Variants in PLCB1 observed in about 807,000 individuals in gnomAD.
PLCB1 encodes the protein phospholipase C beta 1.
Under a neutral mutation model 161.8 loss-of-function variants are expected in PLCB1, and 46 were observed. The ratio of observed to expected loss-of-function variants is 0.28; its 90% CI spans 0.22 to 0.36. The LOEUF is 0.36. PLCB1 is among the 10% of genes least tolerant of loss of function. The pLI is 1.00. For synonymous variants in PLCB1, 517 were observed against 503.7 expected, an observed-to-expected ratio of 1.03 and a Z score of -0.35; for missense variants, 1,016 against 1,472.5, an observed-to-expected ratio of 0.69 and a Z score of 5.07.
intron 3 of PLCB1, among the ~76,000 whole-genome samples, chr20:8,414,004 T>G (rs1224224406): frequency 1.3e-5 from 2 of 152,184 alleles, no homozygotes; most frequent in South Asian, 2.1e-4. Context: ...CCTGAAACTC[T>G]AACAGATTAA....
At chr20:8,322,111 G>A (rs1004521243) in intron 2 of PLCB1, among the ~76,000 whole-genome samples, 3 of 152,056 alleles carry the variant, frequency 2.0e-5, no homozygotes, top group Non-Finnish European at 4.4e-5. Context: ...AGCCCCCATT[G>A]CCAACAATGG....
intron 3 of PLCB1, among the ~76,000 whole-genome samples, chr20:8,602,203 C>G (rs1359612445): frequency 6.6e-6 from 1 of 151,984 alleles, no homozygotes; most frequent in Non-Finnish European, 1.5e-5. Context: ...GAGTATATGA[C>G]ACCAACACCA....
At chr20:8,292,256 C>T (rs1251640236) in intron 2 of PLCB1, among the ~76,000 whole-genome samples, 1 of 152,028 alleles carries the variant, frequency 6.6e-6, no homozygotes, top group Non-Finnish European at 1.5e-5. Flanking sequence ...TTCTGCTTGC[C>T]TGCAAAGTTG....
intron 2 of PLCB1, among the ~76,000 whole-genome samples, chr20:8,244,270 G>C (rs1980764381): frequency 6.6e-6 from 1 of 151,904 alleles, no homozygotes; most frequent in Admixed American, 6.6e-5. Context: ...GTGTCCACTA[G>C]AAGATGGTTA....
intron 2 of PLCB1, among the ~76,000 whole-genome samples, chr20:8,241,445 A>T (rs545307490): frequency 6.6e-6 from 1 of 152,064 alleles, no homozygotes; most frequent in African/African-American, 2.4e-5. Flanking sequence ...CTGGGCTGAC[A>T]TCGAGTGAAT....
intron 2 of PLCB1, among the ~76,000 whole-genome samples, chr20:8,294,487 TACAC>T (rs1192526701): frequency 1.3e-5 from 2 of 151,830 alleles, no homozygotes; most frequent in African/African-American, 4.8e-5. Flanking sequence ...TACACATACT[TACAC>T]ATATGTGTGC....
intron 3 of PLCB1, among the ~76,000 whole-genome samples, chr20:8,486,417 T>C (rs974846049): frequency 6.6e-6 from 1 of 151,526 alleles, no homozygotes; most frequent in Non-Finnish European, 1.5e-5. Context: ...TTCAGAAAGA[T>C]AAAATATCAG....
intron 5 of PLCB1, among the ~76,000 whole-genome samples, chr20:8,646,400 C>A (rs746684187): frequency 1.3e-5 from 2 of 152,170 alleles, no homozygotes; most frequent in Non-Finnish European, 2.9e-5. Flanking sequence ...TGTGTTACAC[C>A]TGGGCTAAGT....
At chr20:8,200,373 G>A (rs2052080273) in intron 2 of PLCB1, among the ~76,000 whole-genome samples, 1 of 151,880 alleles carries the variant, frequency 6.6e-6, no homozygotes, top group Non-Finnish European at 1.5e-5. Context: ...TTCTATGTTT[G>A]GTATGATAGG....
At chr20:8,264,424 T>TGTATA (rs965816593) in intron 2 of PLCB1, among the ~76,000 whole-genome samples, 4 of 152,170 alleles carry the variant, frequency 2.6e-5, no homozygotes, top group African/African-American at 7.2e-5. Flanking sequence ...AATAATGAAA[T>TGTATA]GTATAGTATA....
chr20:8,388,184 AC>A (rs1200622455), intron 3 of PLCB1, among the ~76,000 whole-genome samples: 1 of 151,950 alleles, frequency 6.6e-6, no homozygotes, highest in African/African-American at 2.4e-5. Flanking sequence ...TACTGACAAT[AC>A]CCTTTTGTAT....
intron 3 of PLCB1, among the ~76,000 whole-genome samples, chr20:8,415,520 T>C (rs1326311227): frequency 6.6e-6 from 1 of 152,100 alleles, no homozygotes; most frequent in Non-Finnish European, 1.5e-5. Context: ...CCAGGTACCA[T>C]AGTGAGTGGA....
intron 4 of PLCB1, among the ~76,000 whole-genome samples, chr20:8,634,099 T>G (rs1022173334): frequency 6.6e-5 from 10 of 152,144 alleles, no homozygotes; most frequent in African/African-American, 2.4e-4. Context: ...GATATTGGAG[T>G]GTAATGACTG....
At chr20:8,822,282 C>T (rs183668041) in intron 31 of PLCB1, among the ~76,000 whole-genome samples, 3 of 152,250 alleles carry the variant, frequency 2.0e-5, no homozygotes, top group East Asian at 1.9e-4. Flanking sequence ...AAAGTTCAGA[C>T]CCATTCACTT....
At chr20:8,164,443 AAAATT>A (rs2051656359) in intron 2 of PLCB1, among the ~76,000 whole-genome samples, 2 of 152,336 alleles carry the variant, frequency 1.3e-5, no homozygotes, top group Admixed American at 1.3e-4. Context: ...TTAATTAATT[AAAATT>A]AAATTAAAAA....
chr20:8,214,827 A>T (rs1979031991), intron 2 of PLCB1, among the ~76,000 whole-genome samples: 1 of 151,646 alleles, frequency 6.6e-6, no homozygotes, highest in African/African-American at 2.4e-5. Context: ...TTCTTTTTTC[A>T]CTCTCAAATA....
intron 2 of PLCB1, among the ~76,000 whole-genome samples, chr20:8,180,386 T>A (rs1173178505): frequency 6.6e-6 from 1 of 152,182 alleles, no homozygotes; most frequent in East Asian, 1.9e-4. Context: ...TGTATCTGAG[T>A]TCATCAAGGA....
chr20:8,268,544 T>G (rs1381187842), intron 2 of PLCB1, among the ~76,000 whole-genome samples: 1 of 152,248 alleles, frequency 6.6e-6, no homozygotes, highest in Non-Finnish European at 1.5e-5. Flanking sequence ...ATCACCACAC[T>G]GTCTTCCACA....
chr20:8,734,129 C>CT (rs1330175424), intron 19 of PLCB1, among the ~76,000 whole-genome samples: 3 of 41,702 alleles, frequency 7.2e-5, no homozygotes, highest in East Asian at 1.2e-3. Context: ...GAGCGAGACT[C>CT]TGTCTCAAAA....
Sources: allele counts gnomAD v4.1 joint callset (sites outside exome capture counted in the v4.1 genomes callset), GRCh38; gene constraint gnomAD v4.1.1; transcripts MANE v1.5; gene names NCBI Gene and HGNC (gene_info 2026-07-23, HGNC 2026-07-21).